Variants in SSBP3 observed in about 807,000 individuals in gnomAD.
SSBP3 encodes single-stranded DNA-binding protein 3.
Under a neutral mutation model 69.6 loss-of-function variants are expected in SSBP3, and 5 were observed. The observed-to-expected ratio is 0.07, with a 90% CI of 0.04 to 0.15. The LOEUF is 0.15. Ranked by LOEUF, SSBP3 falls within the 10% of genes least tolerant of loss-of-function variation. The pLI, the probability that SSBP3 is intolerant of heterozygous loss-of-function variation, is 1.00. For synonymous variants in SSBP3, 196 were observed against 193.4 expected (o/e 1.01, Z -0.11); for missense variants, 312 against 534.0 (o/e 0.58, Z 4.10).
intron 4 of SSBP3, among the ~76,000 whole-genome samples, chr1:54,318,157 T>C (rs1394125039): frequency 6.6e-6 from 1 of 152,058 alleles, no homozygotes; most frequent in Non-Finnish European, 1.5e-5. Context: ...CCAAGGCAAA[T>C]GAACATGGTT....
At chr1:54,339,948 G>A (rs1000941600) in intron 4 of SSBP3, among the ~76,000 whole-genome samples, 3 of 152,054 alleles carry the variant, frequency 2.0e-5, no homozygotes, top group African/African-American at 7.2e-5. Context: ...AAGGGGAAAG[G>A]CGGAAAGGTC....
rs1479365114 is a variant in SSBP3 at position 54,238,979 on chromosome 1, C to G, written c.927+150G>C. On this transcript the variant is annotated intron_variant, in intron 14 of 17. Coordinates refer to ENST00000610401, the Ensembl canonical transcript of SSBP3. ...CCCATGAAATGGGAACTGAGTTGCC[C>G]AAGAGTTAATCACTTTTCTGACGGT... 4 of 699,394 alleles carry G rather than the reference C, an allele frequency of 5.7e-6. No homozygotes were observed. The African/African-American group carries it at 7.2e-5, about 13-fold the overall frequency. 43.3% of individuals were successfully genotyped at this position (699,394 alleles called of 1,614,324 possible).
rs1646116415 is a variant in SSBP3, at chr1:54,316,684, AT to A, written c.277-35158del. On this transcript the variant is annotated intron_variant, in intron 4 of 17. Coordinates refer to ENST00000610401, the Ensembl canonical transcript of SSBP3. ...ATAAAATAAATAAATAAATAAATAA[AT>A]AAATAAATAAATAAATAAATAAATA... 9.8e-5 allele frequency among the ~76,000 whole-genome samples: 13 copies of A among 132,390 alleles called. 1 individual carries two copies. The highest frequency in any genetic ancestry group is 4.5e-4 in the East Asian group (2 of 4,484). The allele number at this position is 132,390 out of a possible 152,430, so 86.9% of individuals were successfully genotyped here.
At chr1:54,279,015 T>C (rs904281552) in intron 5 of SSBP3, among the ~76,000 whole-genome samples, 1 of 152,166 alleles carries the variant, frequency 6.6e-6, no homozygotes, top group African/African-American at 2.4e-5. Context: ...GCCTGAGCGG[T>C]TCAGCATCAT....
chr1:54,254,237 A>C (rs1342439967), intron 7 of SSBP3, among the ~76,000 whole-genome samples: 1 of 152,224 alleles, frequency 6.6e-6, no homozygotes, highest in Non-Finnish European at 1.5e-5. Flanking sequence ...CATGTGGGGC[A>C]AGGCACAGGA....
chr1:54,228,547 G>A, intron 15 of SSBP3, 70 bp from the exon 16 acceptor site: 1 of 1,597,086 alleles, frequency 6.3e-7, no homozygotes, highest in Non-Finnish European at 8.5e-7. Context: ...CCTCGTCCTG[G>A]GCTCCTCGGG....
At chr1:54,230,114 G>A (rs984289341) in intron 14 of SSBP3, among the ~76,000 whole-genome samples, 1 of 152,206 alleles carries the variant, frequency 6.6e-6, no homozygotes, top group African/African-American at 2.4e-5. Context: ...ACAGAAAGGG[G>A]TGTAAGGGGT....
exon 17 of SSBP3, chr1:54,228,292 A>T (rs1401103070): frequency 6.2e-7 from 1 of 1,613,722 alleles, no homozygotes; most frequent in African/African-American, 1.3e-5. Flanking sequence ...GTTCCCTCCT[A>T]GCTCGCCGTC....
At chr1:54,376,191 G>GGT (rs145081564) in intron 4 of SSBP3, among the ~76,000 whole-genome samples, 14,857 of 150,680 alleles carry the variant, frequency 0.099, 966 homozygotes, top group East Asian at 0.27. Context: ...TGCATGCGTG[G>GGT]GTGTGTGTGT....
At chr1:54,292,548 G>A (rs1160726363) in intron 4 of SSBP3, among the ~76,000 whole-genome samples, 2 of 152,080 alleles carry the variant, frequency 1.3e-5, no homozygotes, top group Admixed American at 6.6e-5. Context: ...GCGAGGCCCT[G>A]CACAAGCCCT....
At chr1:54,243,163 C>T in intron 10 of SSBP3, 72 bp downstream of exon 10, 2 of 1,407,086 alleles carry the variant, frequency 1.4e-6, no homozygotes, top group Non-Finnish European at 2.0e-6. Context: ...TATCATGAGT[C>T]TCCCAGGGTG....
chr1:54,338,792 A>T (rs1470822654), intron 4 of SSBP3, among the ~76,000 whole-genome samples: 1 of 152,188 alleles, frequency 6.6e-6, no homozygotes. Context: ...GGCAGAAGAG[A>T]GTGACACCCC....
At chr1:54,257,728 AAAG>A (rs1644947224) in intron 6 of SSBP3, among the ~76,000 whole-genome samples, 1 of 152,188 alleles carries the variant, frequency 6.6e-6, no homozygotes, top group Non-Finnish European at 1.5e-5. Flanking sequence ...ACGAGTGCAC[AAAG>A]AAAAGGCTCG....
chr1:54,238,889 CG>C (rs1644551044), intron 14 of SSBP3: 1 of 414,604 alleles, frequency 2.4e-6, no homozygotes, highest in Non-Finnish European at 4.7e-6. Context: ...AGCAGCACAG[CG>C]GGCACCCTGG....
At chr1:54,246,603 C>A (rs757261110) in intron 9 of SSBP3, among the ~76,000 whole-genome samples, 4 of 152,178 alleles carry the variant, frequency 2.6e-5, no homozygotes, top group Non-Finnish European at 5.9e-5. Context: ...ACTATCCTGC[C>A]GCTCCTGACC....
intron 4 of SSBP3, among the ~76,000 whole-genome samples, chr1:54,282,034 C>G (rs921605805): frequency 3.1e-5 from 4 of 127,068 alleles, no homozygotes; most frequent in Non-Finnish European, 4.8e-5. Context: ...AGGTTCAGCC[C>G]TATCTCAAAT....
intron 9 of SSBP3, among the ~76,000 whole-genome samples, chr1:54,245,220 C>T (rs1334709547): frequency 6.6e-6 from 1 of 152,216 alleles, no homozygotes; most frequent in Non-Finnish European, 1.5e-5. Context: ...ACTTTATGTA[C>T]AGTCTCTTGT....
intron 5 of SSBP3, among the ~76,000 whole-genome samples, chr1:54,266,946 T>C (rs1345431876): frequency 6.6e-6 from 1 of 152,314 alleles, no homozygotes; most frequent in Admixed American, 6.5e-5. Flanking sequence ...TCCTTGCTGA[T>C]GGTGTCCCCA....
At position 54,401,787 on chromosome 1, in the gene SSBP3, T is replaced by C. The variant is rs996114755; in HGVS notation, c.276+74A>G. On this transcript the variant is annotated intron_variant, in intron 4 of 17. Transcript: ENST00000610401. ...AAAGACCACTGCGAACTGGCTGTGT[T>C]TGCTTTTCGTACTAGAGAAGTTAGA... The C allele has an allele frequency of 6.0e-6, 8 of 1,325,728 alleles. No homozygotes were observed. The African/African-American group carries it at 1.2e-4, about 19-fold the overall frequency. The allele number at this position is 1,325,728 out of a possible 1,614,324, so 82.1% of individuals were successfully genotyped here.
Sources: gnomAD v4.1 joint callset for allele counts (sites outside exome capture counted in the v4.1 genomes callset) on GRCh38, gnomAD v4.1.1 for gene constraint, MANE v1.5 for transcripts, NCBI Gene and HGNC (gene_info 2026-07-23, HGNC 2026-07-21) for gene names.